Variants in SNRNP200 observed in about 807,000 individuals in gnomAD.
The protein encoded by SNRNP200 is small nuclear ribonucleoprotein U5 subunit 200.
A neutral mutation model predicts 255.2 loss-of-function variants in SNRNP200; 66 were observed. The observed-to-expected ratio is 0.26, with a 90% CI of 0.21 to 0.32. The LOEUF (loss-of-function observed/expected upper bound fraction) is 0.32. Among genes scored for constraint, SNRNP200 ranks in the 10% least tolerant of loss-of-function variants. The probability of loss-of-function intolerance (pLI) is 1.00; values close to 1 mark genes in which losing one functional copy is unlikely to be tolerated. For missense variants in SNRNP200, 1,585 were observed against 2,749.8 expected, an observed-to-expected ratio of 0.58 and a Z score of 9.47; for synonymous variants, 939 against 1,027.8, an observed-to-expected ratio of 0.91 and a Z score of 1.65.
At chr2:96,298,992 C>T (rs1341017983) in intron 6 of SNRNP200, 25 bp from the exon 7 acceptor site, 1 of 1,613,084 alleles carries the variant, frequency 6.2e-7, no homozygotes, top group Non-Finnish European at 8.5e-7. Flanking sequence ...AGGCATTTAG[C>T]TCACCAGGTC....
chr2:96,279,049 T>G, intron 36 of SNRNP200, 51 bp from the exon 37 acceptor site: 1 of 1,480,564 alleles, frequency 6.8e-7, no homozygotes. Flanking sequence ...GACAACACGG[T>G]CACAGAGGGC....
chr2:96,276,031 G>C (rs947603192), intron 43 of SNRNP200, among the ~76,000 whole-genome samples: 1 of 152,196 alleles, frequency 6.6e-6, no homozygotes, highest in African/African-American at 2.4e-5. Flanking sequence ...GCTTAACACA[G>C]AGCTGAATGT....
Position 96,277,060 on chromosome 2 carries a change from C to G in SNRNP200, c.6092+21G>C, listed in dbSNP as rs762685439. The G allele has an allele frequency of 3.7e-6, 6 of 1,614,150 alleles. No homozygotes were observed. The highest frequency in any genetic ancestry group is 5.1e-6 in the Non-Finnish European group (6 of 1,179,982). ...GAGCACACTATTATGCTGTGCCCAA[C>G]AGGCACCACCTCTGGCTCACCTGCG... is the stretch of plus-strand genomic sequence containing the variant. On this transcript the variant is annotated intron_variant, in intron 42 of 44. Coordinates refer to ENST00000323853, the MANE Select transcript of SNRNP200 (RefSeq NM_014014.5). This position sits in a 1 kb window ranked among gnomAD's most constrained non-coding sequence, Gnocchi z 4.4.
intron 16 of SNRNP200, among the ~76,000 whole-genome samples, chr2:96,292,133 T>A (rs1053169891): frequency 1.3e-5 from 2 of 152,258 alleles, no homozygotes; most frequent in East Asian, 1.9e-4. Flanking sequence ...AACTTCAACA[T>A]CCTATCTTGA....
At position 96,277,205 on chromosome 2, in the gene SNRNP200, C is replaced by G; in HGVS notation, c.5968G>C (p.Asp1990His). The G allele has an allele frequency of 6.2e-7, 1 of 1,614,184 alleles. No homozygotes were observed. Among genetic ancestry groups the G allele is most frequent in the Non-Finnish European group, 8.5e-7 (1 of 1,180,038 alleles). ...ESVFDIMEMEDEERNALLQLT... is the reference protein window; with the variant it reads ...ESVFDIMEMEHEERNALLQLT... The stretch of plus-strand genomic sequence containing the variant: ...TGAAGCAACGCGTTCCGTTCTTCAT[C>G]CTCCATCTCCATGATGTCGAAAACA... Residue 1990 changes from aspartate (D) to histidine (H), a missense_variant, in exon 42 of 45, where the codon GAT (aspartate) becomes CAT (histidine). Coordinates refer to ENST00000323853, the MANE Select transcript of SNRNP200 (RefSeq NM_014014.5). The surrounding 1 kb of genome is among the most constrained non-coding windows in gnomAD (Gnocchi z 4.4).
At chr2:96,285,380 GGAA>G (rs1573992816) in intron 29 of SNRNP200, 40 bp from the exon 30 acceptor site, 1 of 1,605,142 alleles carries the variant, frequency 6.2e-7, no homozygotes, top group South Asian at 1.1e-5. Flanking sequence ...GTATCAAGAA[GGAA>G]GAAGAGACGG....
At chr2:96,304,132 C>G (rs1205561960) in intron 2 of SNRNP200, among the ~76,000 whole-genome samples, 1 of 151,358 alleles carries the variant, frequency 6.6e-6, no homozygotes, top group South Asian at 2.1e-4. Flanking sequence ...TCAAACTAAG[C>G]CTAGGAATTT....
At position 96,278,173 on chromosome 2, in the gene SNRNP200, G is replaced by C; in HGVS notation, c.5610+64C>G. 1 of 1,612,482 alleles carries C rather than the reference G, an allele frequency of 6.2e-7. No individual in the cohort carries two copies. ...CGTGTTGGTGGCAGGGATGCCATGT[G>C]CTCTGGGCACACAGGCCGAGTTTGT... is the stretch of plus-strand genomic sequence containing the variant. On this transcript the variant is annotated intron_variant, in intron 39 of 44. Transcript: ENST00000323853. This position sits in a 1 kb window ranked among gnomAD's most constrained non-coding sequence, Gnocchi z 6.9.
chr2:96,275,425 A>G lies in SNRNP200; in HGVS notation c.6175-76T>C, dbSNP rs1573986347. The G allele has an allele frequency of 4.6e-5, 58 of 1,251,022 alleles. No homozygotes were observed. The East Asian group carries it at 1.3e-3, about 29-fold the overall frequency. The allele number at this position is 1,251,022 out of a possible 1,614,324, so 77.5% of individuals were successfully genotyped here. On this transcript the variant is annotated intron_variant, in intron 43 of 44. Transcript: ENST00000323853. The stretch of plus-strand genomic sequence containing the variant: ...AGGCAACCATGAAAATGGTACAGTT[A>G]CAAAAGAGAGAACAAAAATCAGATA...
chr2:96,286,278 A>G lies in SNRNP200; in HGVS notation c.4003+33T>C. 1.2e-6 allele frequency: 2 copies of G among 1,610,548 alleles called. No homozygotes were observed. ...AGCACATCTGTCTCCCGGTGACTTC[A>G]AAAGCCTCCAGAGGAGGGATGGAAA... On this transcript the variant is annotated intron_variant, in intron 29 of 44. Transcript: ENST00000323853. The surrounding 1 kb of genome is among the most constrained non-coding windows in gnomAD (Gnocchi z 4.8).
intron 1 of SNRNP200, 41 bp from the exon 2 acceptor site, chr2:96,304,909 G>A (rs1306993742): frequency 1.9e-6 from 3 of 1,599,820 alleles, no homozygotes; most frequent in Non-Finnish European, 1.7e-6. Flanking sequence ...GACATGAGCA[G>A]GGCCAATTCC....
Position 96,304,768 on chromosome 2 carries a change from C to T in SNRNP200, c.146G>A (p.Gly49Asp), listed in dbSNP as rs1385717743. ...EVLSLVGKLE[G>D]TRMGDKAQRT... Reference sequence around the variant, plus strand: ...TTGAGCCTTGTCTCCCATACGGGTGCCCTCCAGCTTCCCAACAAGGGACAG... The same window carrying T: ...TTGAGCCTTGTCTCCCATACGGGTGTCCTCCAGCTTCCCAACAAGGGACAG... Residue 49 changes from glycine (G) to aspartate (D), a missense_variant, in exon 2 of 45, where the codon GGC becomes GAC. By Grantham distance (94) the Gly-to-Asp change is moderately conservative (BLOSUM62 -1). This residue lies in a region of SNRNP200 where 383 missense variants were observed against 645.3 expected (regional missense o/e 0.59). Transcript: ENST00000323853. The T allele has an allele frequency of 9.9e-6, 16 of 1,614,108 alleles. No homozygotes were observed. The highest frequency in any genetic ancestry group is 1.0e-5 in the Non-Finnish European group (12 of 1,180,040).
chr2:96,281,126 A>T (rs1215454560), intron 35 of SNRNP200: 1 of 145,460 alleles, frequency 6.9e-6, no homozygotes, highest in Non-Finnish European at 1.5e-5. Flanking sequence ...GCCCTCCCAA[A>T]GTGCTGGGAT....
At chr2:96,284,027 G>T in intron 31 of SNRNP200, 23 bp from the exon 32 acceptor site, 6 of 1,318,384 alleles carry the variant, frequency 4.6e-6, no homozygotes, top group Non-Finnish European at 6.4e-6. Context: ...AGGGAGGGAG[G>T]GTCACTGCAG....
In SNRNP200 at chr2:96,290,889, C is replaced by G; in HGVS notation, c.2422-74G>C. 6.3e-7 allele frequency: 1 copy of G among 1,593,174 alleles called. No homozygotes were observed. The highest frequency in any genetic ancestry group is 8.6e-7 in the Non-Finnish European group (1 of 1,164,662). ...GGTTAATATCCCTGGCTTCTCTAGG[C>G]AGTTGGCCTCAGAGCTTCTCTCAGG... On this transcript the variant is annotated intron_variant, in intron 18 of 44. Transcript: ENST00000323853. The surrounding 1 kb of genome is among the most constrained non-coding windows in gnomAD (Gnocchi z 4.5).
intron 3 of SNRNP200, 96 bp from the exon 4 acceptor site, chr2:96,301,812 C>G: frequency 7.8e-7 from 1 of 1,276,000 alleles, no homozygotes; most frequent in South Asian, 1.2e-5. Flanking sequence ...AGAGCCACAC[C>G]TCTTCAAAAC....
chr2:96,295,714 C>T (rs1410012204), intron 13 of SNRNP200, 56 bp from the exon 14 acceptor site: 4 of 1,593,620 alleles, frequency 2.5e-6, no homozygotes, highest in African/African-American at 1.3e-5. Context: ...GGACACCATG[C>T]TTTCTGTTTG....
chr2:96,297,051 T>C lies in SNRNP200; in HGVS notation c.1397A>G (p.Lys466Arg). Reference sequence around the variant, plus strand: ...CCCAGCCTGGGCATACTTTGGCAGCTTTTCCACTGGAAGCAGTTGCTAGAA... The same window carrying C: ...CCCAGCCTGGGCATACTTTGGCAGCCTTTCCACTGGAAGCAGTTGCTAGAA... ...GSEEQLLPVE[K>R]LPKYAQAGFE... The change falls in exon 12 of 45, where the codon AAG (lysine) becomes AGG (arginine). Residue 466 changes from lysine to arginine, a missense_variant. Lys to Arg is a conservative substitution (Grantham distance 26, BLOSUM62 2). Transcript: ENST00000323853. 1 of 1,614,190 alleles carries C rather than the reference T, an allele frequency of 6.2e-7. No individual in the cohort carries two copies. The highest frequency in any genetic ancestry group is 8.5e-7 in the Non-Finnish European group (1 of 1,180,034).
chr2:96,295,523 G>A lies in SNRNP200; in HGVS notation c.1807C>T (p.Arg603Cys), dbSNP rs938097207. The change falls in exon 14 of 45, where the codon CGC becomes TGC. Residue 603 changes from arginine (R) to cysteine (C), a missense_variant. By Grantham distance (180) the Arg-to-Cys change is radical. Coordinates refer to ENST00000323853, the MANE Select transcript of SNRNP200 (RefSeq NM_014014.5). Reference sequence around the variant, plus strand: ...AGCCGCACCAGCTGGGTGTAGGTGCGCTCACCACCCTTGCGGGTGATGATG... The same window carrying A: ...AGCCGCACCAGCTGGGTGTAGGTGCACTCACCACCCTTGCGGGTGATGATG... ...WDIITRKGGE[R>C]TYTQLVRLII... is the part of the protein sequence containing the mutation. 2 of 1,613,128 alleles carry A rather than the reference G, an allele frequency of 1.2e-6. No individual in the cohort carries two copies. Among genetic ancestry groups the A allele is most frequent in the Non-Finnish European group, 1.7e-6 (2 of 1,179,950 alleles).
Sources: allele counts gnomAD v4.1 joint callset (sites outside exome capture counted in the v4.1 genomes callset), GRCh38; gene constraint gnomAD v4.1.1; regional missense constraint gnomAD v4.1.1; non-coding constraint Gnocchi (gnomAD v3.1); transcripts MANE v1.5; gene names NCBI Gene and HGNC (gene_info 2026-07-23, HGNC 2026-07-21).